The following THEMIS variants were observed in gnomAD, a reference collection of about 807,000 sequenced individuals.
THEMIS encodes the protein thymocyte selection associated, also known as protein THEMIS.
THEMIS carries 37 observed loss-of-function variants against 52.6 expected under a neutral mutation model. The observed-to-expected ratio is 0.70, with a 90% CI of 0.54 to 0.93. THEMIS has a LOEUF of 0.93. Among genes scored for constraint, THEMIS ranks in the 40% least tolerant of loss-of-function variants. The probability of loss-of-function intolerance (pLI) is 0.00; values close to 1 mark genes in which losing one functional copy is unlikely to be tolerated. For synonymous variants in THEMIS, 292 were observed against 272.7 expected (o/e 1.07, Z -0.70); for missense variants, 808 against 763.1 (o/e 1.06, Z -0.69).
At chr6:127,799,553 ATCTTTCTT>A (rs748513282) in intron 4 of THEMIS, among the ~76,000 whole-genome samples, 1,479 of 144,602 alleles carry the variant, frequency 0.01, 11 homozygotes, top group African/African-American at 0.022. Flanking sequence ...CTTTCTTTCT[ATCTTTCTT>A]TCTTTCTTTC....
In THEMIS at chr6:127,829,798, G is replaced by A. The variant is rs1341402579; in HGVS notation, c.387C>T (p.Ile129=). ...GCATGATTTGCTCACCCTGCTTTAT[G>A]ATGAGGTTCTCTAGTTTTATATCCT... The part of the protein sequence containing the change: ...HQKDIKLENL[I]IKQGEQIMLN... The change falls in exon 3 of 6, where the codon ATC becomes ATT. Residue 129 remains isoleucine, a synonymous_variant. Coordinates refer to ENST00000368248, the MANE Select transcript of THEMIS (RefSeq NM_001010923.3). 5 of 1,614,104 alleles carry A rather than the reference G, an allele frequency of 3.1e-6. No individual in the cohort carries two copies. The highest frequency in any genetic ancestry group is 3.4e-6 in the Non-Finnish European group (4 of 1,180,022).
At chr6:127,729,561 T>A (rs1264900851) in intron 4 of THEMIS, among the ~76,000 whole-genome samples, 2 of 152,158 alleles carry the variant, frequency 1.3e-5, no homozygotes, top group Non-Finnish European at 2.9e-5. Context: ...TCACAAAATG[T>A]CCAGTCCTTT....
intron 3 of THEMIS, among the ~76,000 whole-genome samples, chr6:127,820,840 A>T (rs1262011219): frequency 6.6e-6 from 1 of 152,064 alleles, no homozygotes; most frequent in Non-Finnish European, 1.5e-5. Context: ...TAAGTTTTCC[A>T]CAGTCAAAAG....
intron 1 of THEMIS, among the ~76,000 whole-genome samples, chr6:127,880,040 G>T (rs1780433427): frequency 6.6e-6 from 1 of 152,070 alleles, no homozygotes; most frequent in African/African-American, 2.4e-5. Context: ...CAGTTGATCT[G>T]CCACTTTTTA....
rs556501579 is a variant in THEMIS, at chr6:127,742,425, A to T, written c.1759-22602T>A. Among the ~76,000 whole-genome samples the T allele has an allele frequency of 5.6e-4, 85 of 151,978 alleles. 2 individuals carry two copies. The South Asian group carries it at 0.016, about 29-fold the overall frequency. Reference sequence around the variant, plus strand: ...ACTCTGCTTCTGCTTATGTATATTTAAAAAAAACCTAAAAGCAGAGACTCT... The same window carrying T: ...ACTCTGCTTCTGCTTATGTATATTTTAAAAAAACCTAAAAGCAGAGACTCT... On this transcript the variant is annotated intron_variant, in intron 4 of 5. Coordinates refer to ENST00000368248, the MANE Select transcript of THEMIS (RefSeq NM_001010923.3).
At chr6:127,757,285 A>G (rs1020326558) in intron 4 of THEMIS, among the ~76,000 whole-genome samples, 3 of 152,200 alleles carry the variant, frequency 2.0e-5, no homozygotes, top group Non-Finnish European at 4.4e-5. Context: ...TTGGGTAAAT[A>G]TACAAATTTT....
intron 1 of THEMIS, among the ~76,000 whole-genome samples, chr6:127,908,086 T>C (rs1309595596): frequency 6.6e-6 from 1 of 152,162 alleles, no homozygotes; most frequent in Non-Finnish European, 1.5e-5. Flanking sequence ...AAGAAGCTCC[T>C]GCCTCCCGGC....
At position 127,813,807 on chromosome 6, in the gene THEMIS, A is replaced by C; in HGVS notation, c.834T>G (p.Ser278Arg). 1.2e-6 allele frequency: 2 copies of C among 1,614,002 alleles called. No homozygotes were observed. The highest frequency in any genetic ancestry group is 1.7e-6 in the Non-Finnish European group (2 of 1,179,962). Residue 278 changes from serine to arginine, a missense_variant, in exon 4 of 6, where the codon AGT becomes AGG. Coordinates refer to ENST00000368248, the MANE Select transcript of THEMIS (RefSeq NM_001010923.3). ...CTTCAGTCACTATGGGGAACTCTTT[A>C]CTAGTCATTTCAAAAAGATCTTCTG... is the stretch of plus-strand genomic sequence containing the variant. Reference protein sequence around the residue: ...LSTEDLFEMTSKEFPIVTEVI... With the variant: ...LSTEDLFEMTRKEFPIVTEVI...
chr6:127,811,889 T>C (rs1422930443), intron 4 of THEMIS, among the ~76,000 whole-genome samples: 2 of 152,214 alleles, frequency 1.3e-5, no homozygotes, highest in East Asian at 3.8e-4. Flanking sequence ...TTTCTAAAGA[T>C]GCTTTTGGAG....
intron 5 of THEMIS, among the ~76,000 whole-genome samples, chr6:127,713,341 CAGAAAATGTTTGAT>C (rs1774046690): frequency 1.3e-5 from 2 of 151,818 alleles, no homozygotes; most frequent in African/African-American, 4.8e-5. Flanking sequence ...TTTTTGCATA[CAGAAAATGTTTGAT>C]AGAATCCACA....
chr6:127,792,182 G>A (rs559856861), intron 4 of THEMIS, among the ~76,000 whole-genome samples: 20 of 152,292 alleles, frequency 1.3e-4, no homozygotes, highest in Admixed American at 2.6e-4. Flanking sequence ...GTGGGCCGCC[G>A]CTGCCATCAG....
At chr6:127,722,490 C>T (rs1456597724) in intron 4 of THEMIS, among the ~76,000 whole-genome samples, 3 of 152,018 alleles carry the variant, frequency 2.0e-5, no homozygotes, top group Non-Finnish European at 4.4e-5. Context: ...TCAAATTCTT[C>T]CACCATGCCT....
Position 127,830,109 on chromosome 6 carries a change from T to A in THEMIS, c.251-175A>T, listed in dbSNP as rs116537146. On this transcript the variant is annotated intron_variant, in intron 2 of 5. Transcript: ENST00000368248. ...AGTTCTTCTAGGTAAAATTATGAAG[T>A]ATTGCTTATAGATCACTAGATCATA... Among the ~76,000 whole-genome samples, 511 of 152,248 alleles carry A rather than the reference T, an allele frequency of 3.4e-3. 2 individuals carry two copies. Among genetic ancestry groups the A allele is most frequent in the African/African-American group, 0.012 (485 of 41,520 alleles).
chr6:127,736,077 T>C (rs772251029), intron 4 of THEMIS, among the ~76,000 whole-genome samples: 8 of 152,192 alleles, frequency 5.3e-5, no homozygotes, highest in Non-Finnish European at 1.0e-4. Context: ...GCTTGGTGAA[T>C]TGTAGGGAGT....
chr6:127,727,450 C>G (rs1190964284), intron 4 of THEMIS, among the ~76,000 whole-genome samples: 2 of 152,164 alleles, frequency 1.3e-5, no homozygotes, highest in African/African-American at 2.4e-5. Flanking sequence ...AGCAGGGCGA[C>G]AGTTGCTGCA....
chr6:127,879,694 C>T (rs1173773561), intron 1 of THEMIS, among the ~76,000 whole-genome samples: 2 of 149,794 alleles, frequency 1.3e-5, no homozygotes, highest in African/African-American at 4.9e-5. Flanking sequence ...AAATTATTTG[C>T]GGGCAGGGTG....
chr6:127,727,663 A>C (rs1046306415), intron 4 of THEMIS, among the ~76,000 whole-genome samples: 17 of 152,278 alleles, frequency 1.1e-4, no homozygotes, highest in African/African-American at 3.8e-4. Context: ...TTTGAGCTAG[A>C]AATGATTTTG....
chr6:127,793,644 C>T (rs1404150217), intron 4 of THEMIS, among the ~76,000 whole-genome samples: 1 of 152,088 alleles, frequency 6.6e-6, no homozygotes, highest in African/African-American at 2.4e-5. Context: ...TGTTTCCTGT[C>T]TTTAAAATTT....
chr6:127,893,155 T>C (rs1780861953), intron 1 of THEMIS, among the ~76,000 whole-genome samples: 1 of 152,080 alleles, frequency 6.6e-6, no homozygotes, highest in African/African-American at 2.4e-5. Flanking sequence ...TTCACATTTT[T>C]ATGTGGTTTC....
Sources: allele counts gnomAD v4.1 joint callset (sites outside exome capture counted in the v4.1 genomes callset), GRCh38; gene constraint gnomAD v4.1.1; transcripts MANE v1.5; gene names NCBI Gene and HGNC (gene_info 2026-07-23, HGNC 2026-07-21).